PARP9: variants seen among roughly 807,000 people sequenced by gnomAD.
PARP9 encodes the protein protein mono-ADP-ribosyltransferase PARP9.
PARP9 carries 48 observed loss-of-function variants against 68.8 expected under a neutral mutation model. That is an observed-to-expected ratio of 0.70 (90% CI 0.55 to 0.89). The LOEUF (loss-of-function observed/expected upper bound fraction) is 0.89. Ranked by LOEUF, PARP9 falls within the 40% of genes least tolerant of loss-of-function variation. The pLI is 0.00. For synonymous variants in PARP9, 309 were observed against 333.8 expected, an observed-to-expected ratio of 0.93 and a Z score of 0.81; for missense variants, 806 against 969.3, an observed-to-expected ratio of 0.83 and a Z score of 2.24.
chr3:122,534,345 A>G (rs2077494285), intron 10 of PARP9: 1 of 985,098 alleles, frequency 1.0e-6, no homozygotes, highest in African/African-American at 1.7e-5. Flanking sequence ...GGAAATAGCC[A>G]AGGGCCACAA....
intron 4 of PARP9, among the ~76,000 whole-genome samples, chr3:122,554,376 A>C (rs2079461960): frequency 6.6e-6 from 1 of 152,230 alleles, no homozygotes; most frequent in Non-Finnish European, 1.5e-5. Flanking sequence ...TTGCTTCAGA[A>C]ATGTTGAGAT....
intron 3 of PARP9, chr3:122,558,188 T>C (rs2079867924): frequency 1.2e-5 from 13 of 1,076,628 alleles, no homozygotes; most frequent in Non-Finnish European, 1.6e-5. Flanking sequence ...AATTCAGCCA[T>C]AGGCTGTCGT....
chr3:122,558,253 A>G lies in PARP9; in HGVS notation c.49+181T>C, dbSNP rs957097273. 3 of 1,504,794 alleles carry G rather than the reference A, an allele frequency of 2.0e-6. No homozygotes were observed. The African/African-American group carries it at 4.1e-5, about 21-fold the overall frequency. 93.2% of individuals were successfully genotyped at this position (1,504,794 alleles called of 1,614,324 possible). A position where few individuals can be genotyped will look rare whatever the true frequency, so the allele number is the denominator to read the frequency against. ...AGAGGAATGGTGTAGGCCTTGAGAG[A>G]ATATGCCTGCTGGTCGGTGCCACAC... On this transcript the variant is annotated intron_variant, in intron 3 of 10. Coordinates refer to ENST00000682323, the MANE Select transcript of PARP9 (RefSeq NM_001146105.2).
At chr3:122,539,512 T>TTTCC (rs2077954711) in intron 8 of PARP9, among the ~76,000 whole-genome samples, 1 of 17,322 alleles carries the variant, frequency 5.8e-5, no homozygotes, top group African/African-American at 2.6e-4. Flanking sequence ...ATGGCATTTC[T>TTTCC]TTCTTTCTTT....
chr3:122,564,217 A>G (rs1044766217), intron 1 of PARP9, 28 bp downstream of exon 1: 2 of 548,484 alleles, frequency 3.6e-6, no homozygotes, highest in East Asian at 7.0e-5. Context: ...GGGGACCCCG[A>G]GGGCCCAGAG....
intron 8 of PARP9, among the ~76,000 whole-genome samples, chr3:122,539,192 G>T (rs961355740): frequency 2.0e-5 from 3 of 152,116 alleles, no homozygotes; most frequent in Non-Finnish European, 4.4e-5. Context: ...ATTTCTTGAC[G>T]TTTTCTTTCT....
intron 10 of PARP9, among the ~76,000 whole-genome samples, chr3:122,530,029 T>C (rs902918574): frequency 5.9e-5 from 9 of 151,598 alleles, no homozygotes; most frequent in African/African-American, 2.2e-4. Flanking sequence ...ATACAAAAAT[T>C]AACCAGGCAT....
chr3:122,530,383 A>T (rs955996151), intron 10 of PARP9, among the ~76,000 whole-genome samples: 1 of 152,160 alleles, frequency 6.6e-6, no homozygotes, highest in Admixed American at 6.5e-5. Context: ...CGTGCATGTT[A>T]TCTAGGTCCA....
At chr3:122,562,203 CTTTTT>C (rs1166254845) in intron 1 of PARP9, among the ~76,000 whole-genome samples, 3 of 139,058 alleles carry the variant, frequency 2.2e-5, no homozygotes, top group Non-Finnish European at 4.7e-5. Flanking sequence ...CTTTTCTTTT[CTTTTT>C]GAGACGGAGT....
chr3:122,548,777 G>A (rs534871316), intron 6 of PARP9, among the ~76,000 whole-genome samples: 25 of 152,224 alleles, frequency 1.6e-4, no homozygotes, highest in South Asian at 2.1e-4. Flanking sequence ...ATTTCCTTCC[G>A]AGGTCACCTA....
At chr3:122,534,310 T>C in intron 10 of PARP9, 1 of 983,230 alleles carries the variant, frequency 1.0e-6, no homozygotes, top group Non-Finnish European at 1.2e-6. Flanking sequence ...AGAAAATCCA[T>C]GGCTCCCTGA....
chr3:122,559,948 G>A (rs2080045724), intron 1 of PARP9, among the ~76,000 whole-genome samples: 1 of 152,194 alleles, frequency 6.6e-6, no homozygotes, highest in South Asian at 2.1e-4. Context: ...TCTACGACCT[G>A]GAACAGGAAA....
At chr3:122,532,328 T>C in intron 10 of PARP9, 1 of 985,266 alleles carries the variant, frequency 1.0e-6, no homozygotes, top group Non-Finnish European at 1.2e-6. Context: ...AGACTGCTAA[T>C]GACCAAAGCT....
In PARP9 at chr3:122,552,465, T is replaced by A. The variant is rs2079286303; in HGVS notation, c.1060A>T (p.Lys354Ter). Residue 354 changes from lysine (K) to a stop codon, truncating the protein, a stop_gained, in exon 5 of 11, where the codon AAA (lysine) becomes TAA (stop). Transcript: ENST00000682323. LOFTEE classifies it high-confidence loss of function. ...TGCCACAGTACATGGTATATATATT[T>A]ACAGAACAAGTTAAATCCTTTTGTG... ...LVTKGFNLFCKYIYHVLWHSE... is the reference protein window; with the variant it reads ...LVTKGFNLFC 2.5e-6 allele frequency: 4 copies of A among 1,614,014 alleles called. No homozygotes were observed. The highest frequency in any genetic ancestry group is 1.3e-5 in the African/African-American group (1 of 74,934).
At chr3:122,534,603 G>T in intron 10 of PARP9, 1 of 321,548 alleles carries the variant, frequency 3.1e-6, no homozygotes, top group Non-Finnish European at 4.5e-6. Flanking sequence ...CTGCCTGCTG[G>T]GCATGGTGGC....
In PARP9 at chr3:122,528,305, C is replaced by A; in HGVS notation, c.*59G>T. The A allele has an allele frequency of 1.3e-6, 2 of 1,559,300 alleles. No individual in the cohort carries two copies. Among genetic ancestry groups the A allele is most frequent in the South Asian group, 2.5e-5 (2 of 81,374 alleles). On this transcript the variant is annotated 3_prime_UTR_variant, in exon 11 of 11. Transcript: ENST00000682323. ...AGCCACTCTTTGAGCCATCGATGGT[C>A]ATTATTTGGTTAGTTCACCCAAGGT... is the stretch of plus-strand genomic sequence containing the variant.
chr3:122,535,778 C>A, intron 10 of PARP9: 1 of 1,014,680 alleles, frequency 9.9e-7, no homozygotes, highest in South Asian at 4.5e-5. Context: ...GGGAAAATGC[C>A]CTTTTAATTA....
At chr3:122,561,837 T>C (rs1200278716) in intron 1 of PARP9, among the ~76,000 whole-genome samples, 1 of 152,148 alleles carries the variant, frequency 6.6e-6, no homozygotes, top group Non-Finnish European at 1.5e-5. Context: ...CTGAGCCCCA[T>C]TTTTCAACTC....
At chr3:122,545,400 C>T in intron 7 of PARP9, 32 bp downstream of exon 7, 1 of 1,607,690 alleles carries the variant, frequency 6.2e-7, no homozygotes, top group African/African-American at 1.3e-5. Flanking sequence ...GGTGGGCGAC[C>T]CTACTTATTG....
Sources: allele counts gnomAD v4.1 joint callset (sites outside exome capture counted in the v4.1 genomes callset), GRCh38; gene constraint gnomAD v4.1.1; transcripts MANE v1.5; gene names NCBI Gene and HGNC (gene_info 2026-07-23, HGNC 2026-07-21).